IL15RA: variants seen among roughly 807,000 people sequenced by gnomAD.
IL15RA encodes interleukin 15 receptor subunit alpha, also known as interleukin-15 receptor subunit alpha.
A neutral mutation model predicts 24.2 loss-of-function variants in IL15RA; 26 were observed. That is an observed-to-expected ratio of 1.07 (90% CI 0.79 to 1.49). IL15RA has a LOEUF of 1.49. IL15RA is among the 40% of genes most tolerant of loss of function. The pLI, the probability that IL15RA is intolerant of heterozygous loss-of-function variation, is 0.00. For synonymous variants in IL15RA, 166 were observed against 157.6 expected (o/e 1.05, Z -0.40); for missense variants, 354 against 356.4 (o/e 0.99, Z 0.05).
intron 1 of IL15RA, among the ~76,000 whole-genome samples, chr10:5,976,123 C>G (rs941903903): frequency 2.0e-5 from 3 of 152,162 alleles, no homozygotes; most frequent in Non-Finnish European, 2.9e-5. Context: ...ATCCAGCTGC[C>G]CCAGTTGCCA....
In IL15RA at chr10:5,958,343, G is replaced by T. The variant is rs1380730579; in HGVS notation, c.616+1411C>A. On this transcript the variant is annotated intron_variant, in intron 5 of 6. Coordinates refer to ENST00000379977, the MANE Select transcript of IL15RA (RefSeq NM_002189.4). This position sits in a 1 kb window ranked among gnomAD's most constrained non-coding sequence, Gnocchi z 4.3. ...GCCTGGAAATCTGGTAGCAAGTGTTGCTTCCTTCCTGCAAGGGGATTTTTG... is the reference window on the plus strand; with the variant it reads ...GCCTGGAAATCTGGTAGCAAGTGTTTCTTCCTTCCTGCAAGGGGATTTTTG... The T allele has an allele frequency of 2.2e-6, 1 of 446,764 alleles. No homozygotes were observed. Among genetic ancestry groups the T allele is most frequent in the Non-Finnish European group, 4.5e-6 (1 of 223,484 alleles). The allele number at this position is 446,764 out of a possible 1,614,324, so 27.7% of individuals were successfully genotyped here.
rs1589223159 is a variant in IL15RA, at chr10:5,966,311, C to T, written c.117G>A (p.Val39=). 1 of 1,611,706 alleles carries T rather than the reference C, an allele frequency of 6.2e-7. No individual in the cohort carries two copies. The highest frequency in any genetic ancestry group is 8.5e-7 in the Non-Finnish European group (1 of 1,177,988). ...TCTTGACCCAGATGTCTGCGTGTTC[C>T]ACGGACATGGGGGGAGGGCACGTGA... ...RGITCPPPMS[V]EHADIWVKSY... Residue 39 remains valine, a synonymous_variant, in exon 2 of 7, where the codon GTG becomes GTA. Coordinates refer to ENST00000379977, the MANE Select transcript of IL15RA (RefSeq NM_002189.4). This position sits in a 1 kb window ranked among gnomAD's most constrained non-coding sequence, Gnocchi z 6.4.
chr10:5,960,285 G>T lies in IL15RA; in HGVS notation c.583+82C>A, dbSNP rs973917422. The stretch of plus-strand genomic sequence containing the variant: ...CCTGACTTTGGATTGATGGTATAAA[G>T]CTGCCTTGTGCCGGATCTCAGCCCC... On this transcript the variant is annotated intron_variant, in intron 4 of 6. Transcript: ENST00000379977. The surrounding 1 kb of genome is among the most constrained non-coding windows in gnomAD (Gnocchi z 5.1). The T allele has an allele frequency of 1.1e-5, 14 of 1,281,340 alleles. No homozygotes were observed. Among genetic ancestry groups the T allele is most frequent in the Non-Finnish European group, 4.5e-6 (4 of 883,764 alleles). 79.4% of individuals were successfully genotyped at this position (1,281,340 alleles called of 1,614,324 possible).
At position 5,962,693 on chromosome 10, in the gene IL15RA, C is replaced by T. The variant is rs1401665911; in HGVS notation, c.382+1050G>A. On this transcript the variant is annotated intron_variant, in intron 3 of 6. Coordinates refer to ENST00000379977, the MANE Select transcript of IL15RA (RefSeq NM_002189.4). This position sits in a 1 kb window ranked among gnomAD's most constrained non-coding sequence, Gnocchi z 5.2. ...CCCAGGTGATGTCAGTGTGTACCCACGGCTGACAACTGACACTCCGCAAAG... is the reference window on the plus strand; with the variant it reads ...CCCAGGTGATGTCAGTGTGTACCCATGGCTGACAACTGACACTCCGCAAAG... 3.3e-5 allele frequency among the ~76,000 whole-genome samples: 5 copies of T among 152,034 alleles called. No homozygotes were observed. Among genetic ancestry groups the T allele is most frequent in the Middle Eastern group, 3.4e-3 (1 of 290 alleles).
In IL15RA at chr10:5,967,001, G is replaced by C. The variant is rs1397345002; in HGVS notation, c.89-662C>G. 6.6e-6 allele frequency among the ~76,000 whole-genome samples: 1 copy of C among 151,828 alleles called. No homozygotes were observed. The highest frequency in any genetic ancestry group is 2.4e-5 in the African/African-American group (1 of 41,318). ...TAACCTCAAATGATCTGCCCGCCTC[G>C]GCCTCCCAAAGTGCTGGGATTACAG... is the stretch of plus-strand genomic sequence containing the variant. On this transcript the variant is annotated intron_variant, in intron 1 of 6. Transcript: ENST00000379977. The surrounding 1 kb of genome is among the most constrained non-coding windows in gnomAD (Gnocchi z 4.4).
At chr10:5,977,546 C>CG (rs921521320), upstream of IL15RA, 136 of 1,277,486 alleles carry the variant, frequency 1.1e-4, no homozygotes, top group Non-Finnish European at 1.3e-4. Flanking sequence ...CTGCCCAGGC[C>CG]GGGGGGAGGT....
Position 5,965,693 on chromosome 10 carries a change from G to A in IL15RA, c.283+452C>T, listed in dbSNP as rs1836394614. 2.0e-5 allele frequency among the ~76,000 whole-genome samples: 3 copies of A among 152,208 alleles called. No homozygotes were observed. Among genetic ancestry groups the A allele is most frequent in the South Asian group, 4.1e-4 (2 of 4,828 alleles). On this transcript the variant is annotated intron_variant, in intron 2 of 6. Transcript: ENST00000379977. This position sits in a 1 kb window ranked among gnomAD's most constrained non-coding sequence, Gnocchi z 5.8. ...CTGTGTGTTTCCAACGCCAGGAGCT[G>A]TTGCTGAGGATCACACTGGTGTCTT...
Position 5,963,950 on chromosome 10 carries a change from G to T in IL15RA, c.284-109C>A. Reference sequence around the variant, plus strand: ...ATCAACACATGAACTTACAGTGGAGGCCTCTGGCTTCCTCAGACAGGTTAA... The same window carrying T: ...ATCAACACATGAACTTACAGTGGAGTCCTCTGGCTTCCTCAGACAGGTTAA... On this transcript the variant is annotated intron_variant, in intron 2 of 6. Coordinates refer to ENST00000379977, the MANE Select transcript of IL15RA (RefSeq NM_002189.4). This position sits in a 1 kb window ranked among gnomAD's most constrained non-coding sequence, Gnocchi z 5.3. 1 of 666,772 alleles carries T rather than the reference G, an allele frequency of 1.5e-6. No homozygotes were observed. Among genetic ancestry groups the T allele is most frequent in the Non-Finnish European group, 2.5e-6 (1 of 397,222 alleles). 41.3% of individuals were successfully genotyped at this position (666,772 alleles called of 1,614,324 possible).
Position 5,968,301 on chromosome 10 carries a change from C to G in IL15RA, c.89-1962G>C, listed in dbSNP as rs8177679. Among the ~76,000 whole-genome samples the G allele has an allele frequency of 6.6e-6, 1 of 151,854 alleles. No individual in the cohort carries two copies. The highest frequency in any genetic ancestry group is 2.4e-5 in the African/African-American group (1 of 41,350). Reference sequence around the variant, plus strand: ...CACATCCCTGTTAGAATTCCATGACCTCTGCTCTTGCTTCTGAAGGATCCT... The same window carrying G: ...CACATCCCTGTTAGAATTCCATGACGTCTGCTCTTGCTTCTGAAGGATCCT... On this transcript the variant is annotated intron_variant, in intron 1 of 6. Transcript: ENST00000379977. The surrounding 1 kb of genome is among the most constrained non-coding windows in gnomAD (Gnocchi z 5.4).
Position 5,955,497 on chromosome 10 carries a change from G to A in IL15RA, c.692+882C>T, listed in dbSNP as rs990766331. Among the ~76,000 whole-genome samples, 3 of 152,082 alleles carry A rather than the reference G, an allele frequency of 2.0e-5. No individual in the cohort carries two copies. Among genetic ancestry groups the A allele is most frequent in the East Asian group, 1.9e-4 (1 of 5,192 alleles). On this transcript the variant is annotated intron_variant, in intron 6 of 6. Coordinates refer to ENST00000379977, the MANE Select transcript of IL15RA (RefSeq NM_002189.4). This position sits in a 1 kb window ranked among gnomAD's most constrained non-coding sequence, Gnocchi z 5.3. ...TTTAGTTTGGACAAATCTGATATCC[G>A]TATCAGTATGGAATGCTGGAATACT...
chr10:5,969,239 A>T (rs1340506118), intron 1 of IL15RA, among the ~76,000 whole-genome samples: 1 of 148,374 alleles, frequency 6.7e-6, no homozygotes, highest in African/African-American at 2.6e-5. Flanking sequence ...ATTAAATTAA[A>T]TTAATTTTTT....
chr10:5,952,029 C>T (rs1833910732), downstream of IL15RA, among the ~76,000 whole-genome samples: 1 of 152,150 alleles, frequency 6.6e-6, no homozygotes, highest in African/African-American at 2.4e-5. Context: ...ACAATTTCTC[C>T]AGTCCTCAAT....
Position 5,952,917 on chromosome 10 carries a change from C to T in IL15RA, c.*178G>A. 1 of 618,150 alleles carries T rather than the reference C, an allele frequency of 1.6e-6. No individual in the cohort carries two copies. The allele number at this position is 618,150 out of a possible 1,614,324, so 38.3% of individuals were successfully genotyped here. ...GTGGTGCCCATGGGAATGCGGAGAA[C>T]CTGCTCCCTCGCGCAGGAGGCGCCG... On this transcript the variant is annotated 3_prime_UTR_variant, in exon 7 of 7. Coordinates refer to ENST00000379977, the MANE Select transcript of IL15RA (RefSeq NM_002189.4).
At position 5,963,769 on chromosome 10, in the gene IL15RA, G is replaced by A. The variant is rs760783060; in HGVS notation, c.356C>T (p.Pro119Leu). The A allele has an allele frequency of 6.6e-7, 1 of 1,524,774 alleles. No individual in the cohort carries two copies. The highest frequency in any genetic ancestry group is 1.3e-5 in the South Asian group (1 of 75,310). The allele number at this position is 1,524,774 out of a possible 1,614,324, so 94.5% of individuals were successfully genotyped here. ...TTTTCCAGAAGGGGAGAGGCTCTCTGGCTGTGGGGTCACCCCTGCCGTCGT... is the reference window on the plus strand; with the variant it reads ...TTTTCCAGAAGGGGAGAGGCTCTCTAGCTGTGGGGTCACCCCTGCCGTCGT... ...TVTTAGVTPQ[P>L]ESLSPSGKEP... The change falls in exon 3 of 7, where the codon CCA (proline) becomes CTA (leucine). Residue 119 changes from proline to leucine, a missense_variant. Pro to Leu is a moderately conservative substitution (Grantham distance 98). Transcript: ENST00000379977. This position sits in a 1 kb window ranked among gnomAD's most constrained non-coding sequence, Gnocchi z 5.3.
Position 5,977,523 on chromosome 10 carries a change from C to A in IL15RA, c.-31G>T, listed in dbSNP as rs962896747. 7.6e-7 allele frequency: 1 copy of A among 1,315,096 alleles called. No individual in the cohort carries two copies. The highest frequency in any genetic ancestry group is 9.7e-7 in the Non-Finnish European group (1 of 1,032,428). 81.5% of individuals were successfully genotyped at this position (1,315,096 alleles called of 1,614,324 possible). A position where few individuals can be genotyped will look rare whatever the true frequency, so the allele number is the denominator to read the frequency against. ...CAGCTCCACAGGACACCGCTGGACT[C>A]CCCGGGCGAGCGCTGCCCAGGCCGG... On this transcript the variant is annotated 5_prime_UTR_variant, in exon 1 of 7. Coordinates refer to ENST00000379977, the MANE Select transcript of IL15RA (RefSeq NM_002189.4).
chr10:5,977,534 C>G lies in IL15RA; in HGVS notation c.-42G>C, dbSNP rs965573894. ...GACACCGCTGGACTCCCCGGGCGAG[C>G]GCTGCCCAGGCCGGGGGGAGGTGGC... On this transcript the variant is annotated 5_prime_UTR_variant, in exon 1 of 7. Coordinates refer to ENST00000379977, the MANE Select transcript of IL15RA (RefSeq NM_002189.4). 1 of 1,297,840 alleles carries G rather than the reference C, an allele frequency of 7.7e-7. No individual in the cohort carries two copies. The highest frequency in any genetic ancestry group is 9.8e-7 in the Non-Finnish European group (1 of 1,022,934). 80.4% of individuals were successfully genotyped at this position (1,297,840 alleles called of 1,614,324 possible).
chr10:5,966,344 G>T lies in IL15RA; in HGVS notation c.89-5C>A. 6.2e-7 allele frequency: 1 copy of T among 1,603,682 alleles called. No individual in the cohort carries two copies. The highest frequency in any genetic ancestry group is 8.5e-7 in the Non-Finnish European group (1 of 1,171,214). On this transcript the variant is annotated splice_region_variant and splice_polypyrimidine_tract_variant and intron_variant, in intron 1 of 6. Transcript: ENST00000379977. The surrounding 1 kb of genome is among the most constrained non-coding windows in gnomAD (Gnocchi z 6.4). ...TGGGGGGAGGGCACGTGATGCCTGCGAAAGTGCAGAGGACAGGGGACGGTG... is the reference window on the plus strand; with the variant it reads ...TGGGGGGAGGGCACGTGATGCCTGCTAAAGTGCAGAGGACAGGGGACGGTG...
At position 5,968,843 on chromosome 10, in the gene IL15RA, G is replaced by T; in HGVS notation, c.89-2504C>A. On this transcript the variant is annotated intron_variant, in intron 1 of 6. Transcript: ENST00000379977. The surrounding 1 kb of genome is among the most constrained non-coding windows in gnomAD (Gnocchi z 5.4). ...AGTTTTCCATTGTCCTGAGTCTCAC[G>T]CAGGCCTCGTGTGTCTGGACCTCAT... is the stretch of plus-strand genomic sequence containing the variant. 1.1e-6 allele frequency: 1 copy of T among 893,128 alleles called. No individual in the cohort carries two copies. The highest frequency in any genetic ancestry group is 1.4e-5 in the South Asian group (1 of 71,266). The allele number at this position is 893,128 out of a possible 1,614,324, so 55.3% of individuals were successfully genotyped here. A position where few individuals can be genotyped will look rare whatever the true frequency, so the allele number is the denominator to read the frequency against.
chr10:5,978,694 G>C (rs1838788403), upstream of IL15RA, among the ~76,000 whole-genome samples: 1 of 152,120 alleles, frequency 6.6e-6, no homozygotes, highest in Non-Finnish European at 1.5e-5. The surrounding 1 kb of genome is among the most constrained non-coding windows in gnomAD (Gnocchi z 5.2). Context: ...TCAGGAATTC[G>C]AGACTAGCCT....
Sources: allele counts gnomAD v4.1 joint callset (sites outside exome capture counted in the v4.1 genomes callset), GRCh38; gene constraint gnomAD v4.1.1; non-coding constraint Gnocchi (gnomAD v3.1); transcripts MANE v1.5; gene names NCBI Gene and HGNC (gene_info 2026-07-23, HGNC 2026-07-21).